SRRM3: variants seen among roughly 807,000 people sequenced by gnomAD.
SRRM3 encodes the protein serine/arginine repetitive matrix protein 3.
SRRM3 carries 27 observed loss-of-function variants against 66.2 expected under a neutral mutation model. The ratio of observed to expected loss-of-function variants is 0.41; its 90% CI spans 0.30 to 0.56. The LOEUF is 0.56. Among genes scored for constraint, SRRM3 ranks in the 20% least tolerant of loss-of-function variants. SRRM3 has a pLI of 0.32. For synonymous variants in SRRM3, 391 were observed against 414.9 expected (o/e 0.94, Z 0.70); for missense variants, 918 against 991.9 (o/e 0.93, Z 1.00).
Position 76,285,887 on chromosome 7 carries a change from G to C in SRRM3, c.*44G>C. On this transcript the variant is annotated 3_prime_UTR_variant, in exon 15 of 15. Coordinates refer to ENST00000611745, the MANE Select transcript of SRRM3 (RefSeq NM_001110199.3). The surrounding 1 kb of genome is among the most constrained non-coding windows in gnomAD (Gnocchi z 4.1). ...TGGTGCCCCCCTGGCACTGGGAGAG[G>C]CGAGGGGCGGGCCCCAGGACCCCAG... is the stretch of plus-strand genomic sequence containing the variant. The C allele has an allele frequency of 6.6e-7, 1 of 1,514,778 alleles. No homozygotes were observed. Among genetic ancestry groups the C allele is most frequent in the Non-Finnish European group, 8.9e-7 (1 of 1,126,472 alleles). 93.8% of individuals were successfully genotyped at this position (1,514,778 alleles called of 1,614,324 possible).
At chr7:76,248,922 G>T (rs1490867507) in intron 3 of SRRM3, among the ~76,000 whole-genome samples, 1 of 152,232 alleles carries the variant, frequency 6.6e-6, no homozygotes, top group African/African-American at 2.4e-5. Context: ...AGAGGTTGCA[G>T]TGAGCCGAGA....
Position 76,235,200 on chromosome 7 carries a change from G to A in SRRM3, c.134G>A (p.Gly45Asp). Residue 45 changes from glycine to aspartate, a missense_variant, in exon 2 of 15, where the codon GGC (glycine) becomes GAC (aspartate). Physicochemically the swap from Gly to Asp is moderately conservative, Grantham distance 94 (BLOSUM62 -1). Coordinates refer to ENST00000611745, the MANE Select transcript of SRRM3 (RefSeq NM_001110199.3). ...AEEELRAAEP[G>D]LVKRAHREIL... Reference sequence around the variant, plus strand: ...GAGGAGCTGCGCGCCGCGGAGCCGGGCCTGGTGAAGCGCGCGCACCGCGAG... The same window carrying A: ...GAGGAGCTGCGCGCCGCGGAGCCGGACCTGGTGAAGCGCGCGCACCGCGAG... The A allele has an allele frequency of 6.4e-7, 1 of 1,550,792 alleles. No individual in the cohort carries two copies. The highest frequency in any genetic ancestry group is 8.6e-7 in the Non-Finnish European group (1 of 1,156,646).
intron 10 of SRRM3, among the ~76,000 whole-genome samples, chr7:76,266,833 C>T (rs1554609791): frequency 1.3e-5 from 2 of 150,892 alleles, no homozygotes; most frequent in Admixed American, 6.7e-5. Flanking sequence ...CCACCATGCC[C>T]GACTAATTTT....
chr7:76,276,798 GCCTTCC>G, intron 11 of SRRM3, among the ~76,000 whole-genome samples: 1 of 152,290 alleles, frequency 6.6e-6, no homozygotes, highest in South Asian at 2.1e-4. Context: ...CATGAGAGGT[GCCTTCC>G]TCCCATCCTC....
chr7:76,264,737 C>A (rs201745386), intron 8 of SRRM3, 28 bp from the exon 9 acceptor site: 4 of 1,613,068 alleles, frequency 2.5e-6, no homozygotes, highest in Non-Finnish European at 3.4e-6. Flanking sequence ...CCGGGCCACA[C>A]CATCACTGTG....
rs781915041 is a variant in SRRM3 at position 76,221,359 on chromosome 7, C to CTT, written c.-39-13649_-39-13648dup. The stretch of plus-strand genomic sequence containing the variant: ...TTTGAGCCACTGGGCCTGCCCTCCT[C>CTT]TTTTTTTTTTTTTTTTTTTTTGAGA... On this transcript the variant is annotated intron_variant, in intron 1 of 14. Transcript: ENST00000611745. 2.9e-3 allele frequency among the ~76,000 whole-genome samples: 279 copies of CTT among 95,336 alleles called. 8 individuals carry two copies. The highest frequency in any genetic ancestry group is 3.4e-3 in the Non-Finnish European group (187 of 54,238). 62.5% of individuals were successfully genotyped at this position (95,336 alleles called of 152,430 possible).
intron 10 of SRRM3, among the ~76,000 whole-genome samples, chr7:76,266,275 T>C (rs1407118957): frequency 1.7e-5 from 2 of 118,064 alleles, no homozygotes; most frequent in Non-Finnish European, 3.2e-5. Flanking sequence ...TATATTTAAT[T>C]ATATTATATA....
chr7:76,265,806 A>AT (rs199797988), intron 10 of SRRM3, among the ~76,000 whole-genome samples: 47 of 74,578 alleles, frequency 6.3e-4, no homozygotes, highest in African/African-American at 2.8e-3. Context: ...ATATTTATAT[A>AT]TTTTATATAT....
At chr7:76,240,301 T>C (rs142178812) in intron 2 of SRRM3, among the ~76,000 whole-genome samples, 3 of 152,030 alleles carry the variant, frequency 2.0e-5, no homozygotes, top group East Asian at 3.9e-4. Flanking sequence ...CTGTGTAACA[T>C]AGCAAGACTC....
At chr7:76,238,806 A>C (rs1801209759) in intron 2 of SRRM3, among the ~76,000 whole-genome samples, 1 of 151,178 alleles carries the variant, frequency 6.6e-6, no homozygotes, top group South Asian at 2.1e-4. Context: ...GATTACAGGC[A>C]CATGCCACCA....
At chr7:76,257,063 T>C (rs1212850931) in intron 3 of SRRM3, among the ~76,000 whole-genome samples, 1 of 152,130 alleles carries the variant, frequency 6.6e-6, no homozygotes, top group Non-Finnish European at 1.5e-5. Flanking sequence ...TTATGACCTG[T>C]ATTTTGTGCT....
chr7:76,277,716 C>CA (rs386353056), intron 11 of SRRM3, among the ~76,000 whole-genome samples: 6,740 of 102,754 alleles, frequency 0.066, 249 homozygotes, highest in Middle Eastern at 0.077. Context: ...TAAACAACAA[C>CA]AAAAAAAAAA....
At chr7:76,235,343 G>T (rs1365477524) in intron 2 of SRRM3, 44 bp downstream of exon 2, 20 of 1,425,092 alleles carry the variant, frequency 1.4e-5, no homozygotes, top group Non-Finnish European at 1.7e-5. Context: ...AGATAGGCGG[G>T]GCGAGGGTGG....
rs781915041 is a variant in SRRM3, at chr7:76,221,359, C to CTTTTTTTTTTTTTTTTTTT, written c.-39-13666_-39-13648dup. Among the ~76,000 whole-genome samples, 21 of 95,356 alleles carry CTTTTTTTTTTTTTTTTTTT rather than the reference C, an allele frequency of 2.2e-4. 4 individuals carry two copies. The highest frequency in any genetic ancestry group is 1.0e-3 in the South Asian group (3 of 2,866). 62.6% of individuals were successfully genotyped at this position (95,356 alleles called of 152,430 possible). A position where few individuals can be genotyped will look rare whatever the true frequency, so the allele number is the denominator to read the frequency against. On this transcript the variant is annotated intron_variant, in intron 1 of 14. Transcript: ENST00000611745. ...TTTGAGCCACTGGGCCTGCCCTCCT[C>CTTTTTTTTTTTTTTTTTTT]TTTTTTTTTTTTTTTTTTTTTGAGA...
In SRRM3 at chr7:76,266,726, G is replaced by A. The variant is rs1802068032; in HGVS notation, c.831-532G>A. Among the ~76,000 whole-genome samples, 3 of 145,116 alleles carry A rather than the reference G, an allele frequency of 2.1e-5. No individual in the cohort carries two copies. The Admixed American group carries it at 2.2e-4, about 11-fold the overall frequency. ...ATTGCTGTGTTGCCCAGGCTGGAGAGCAGTGGTGCAATCTTGGCTCACTAC... is the reference window on the plus strand; with the variant it reads ...ATTGCTGTGTTGCCCAGGCTGGAGAACAGTGGTGCAATCTTGGCTCACTAC... On this transcript the variant is annotated intron_variant, in intron 10 of 14. Transcript: ENST00000611745.
intron 14 of SRRM3, among the ~76,000 whole-genome samples, chr7:76,284,473 C>G (rs979836511): frequency 6.6e-6 from 1 of 152,102 alleles, no homozygotes; most frequent in Non-Finnish European, 1.5e-5. Context: ...CCCCCGCGCC[C>G]GACCAAATTG....
At chr7:76,270,894 G>GAGGCCTGCAGTTCCAGACTGACTGGTC (rs1802193577) in intron 11 of SRRM3, among the ~76,000 whole-genome samples, 1 of 151,852 alleles carries the variant, frequency 6.6e-6, no homozygotes, top group Non-Finnish European at 1.5e-5. Context: ...AGGATCGCTT[G>GAGGCCTGCAGTTCCAGACTGACTGGTC]AACCCAGGAG....
At chr7:76,256,927 C>G (rs548990515) in intron 3 of SRRM3, among the ~76,000 whole-genome samples, 1 of 152,210 alleles carries the variant, frequency 6.6e-6, no homozygotes, top group South Asian at 2.1e-4. Context: ...TCAGGCTGGT[C>G]TTGAACTCCC....
intron 1 of SRRM3, among the ~76,000 whole-genome samples, chr7:76,211,480 C>T (rs181274170): frequency 9.7e-4 from 147 of 152,242 alleles, no homozygotes; most frequent in African/African-American, 3.2e-3. Context: ...CAGCAGAGAA[C>T]GCCAGGAATG....
Sources: gnomAD v4.1 joint callset for allele counts (sites outside exome capture counted in the v4.1 genomes callset) on GRCh38, gnomAD v4.1.1 for gene constraint, Gnocchi (gnomAD v3.1) non-coding constraint, MANE v1.5 for transcripts, NCBI Gene and HGNC (gene_info 2026-07-23, HGNC 2026-07-21) for gene names.